ARID2: variants seen among roughly 807,000 people sequenced by gnomAD.
ARID2 encodes AT-rich interaction domain 2, also known as AT-rich interactive domain-containing protein 2.
In ARID2, 32 loss-of-function variants were observed where a neutral mutation model predicts 184.6. The observed-to-expected ratio is 0.17, with a 90% CI of 0.13 to 0.23. The LOEUF (loss-of-function observed/expected upper bound fraction) is 0.23, where lower values mean the gene tolerates loss of function less well. ARID2 is among the 10% of genes least tolerant of loss of function. The pLI, the probability that ARID2 is intolerant of heterozygous loss-of-function variation, is 1.00. For missense variants in ARID2, 1,696 were observed against 2,197.6 expected, an observed-to-expected ratio of 0.77 and a Z score of 4.56; for synonymous variants, 836 against 772.6, an observed-to-expected ratio of 1.08 and a Z score of -1.36.
At chr12:45,842,424 G>C (rs1400467569) in intron 11 of ARID2, among the ~76,000 whole-genome samples, 1 of 150,874 alleles carries the variant, frequency 6.6e-6, no homozygotes, top group Non-Finnish European at 1.5e-5. Flanking sequence ...ATTAATAAAT[G>C]GTACATCAAA....
chr12:45,901,852 T>G (rs1160026638), intron 20 of ARID2, among the ~76,000 whole-genome samples: 1 of 151,822 alleles, frequency 6.6e-6, no homozygotes, highest in Non-Finnish European at 1.5e-5. Flanking sequence ...TTCTGTAAGG[T>G]GGGGGGTGGG....
chr12:45,889,898 A>G (rs745952634), intron 16 of ARID2, among the ~76,000 whole-genome samples: 3 of 152,216 alleles, frequency 2.0e-5, no homozygotes, highest in Non-Finnish European at 4.4e-5. Context: ...AGATCGCACC[A>G]TTGCTCTCCA....
intron 16 of ARID2, chr12:45,882,272 CA>C (rs1944118930): frequency 6.6e-6 from 1 of 152,124 alleles, no homozygotes; most frequent in Non-Finnish European, 1.5e-5. Flanking sequence ...TGATTATTCC[CA>C]TAAGTCAAAC....
chr12:45,891,714 A>C, intron 16 of ARID2, 66 bp from the exon 17 acceptor site: 1 of 1,550,106 alleles, frequency 6.5e-7, no homozygotes, highest in African/African-American at 1.4e-5. Context: ...AAGCAGAGAA[A>C]TTTTTGAAAT....
intron 3 of ARID2, among the ~76,000 whole-genome samples, chr12:45,795,125 T>A (rs1024091219): frequency 6.6e-6 from 1 of 152,050 alleles, no homozygotes; most frequent in African/African-American, 2.4e-5. Flanking sequence ...TTATGTTTTA[T>A]AATAATTTTA....
At position 45,851,025 on chromosome 12, in the gene ARID2, A is replaced by T. The variant is rs1290539299; in HGVS notation, c.2902A>T (p.Ile968Leu). The change falls in exon 15 of 21, where the codon ATA (isoleucine) becomes TTA (leucine). Residue 968 changes from isoleucine (I) to leucine (L), a missense_variant. Physicochemically the swap from Ile to Leu is conservative, Grantham distance 5. This residue lies in a region of ARID2 where 713 missense variants were observed against 824.4 expected (regional missense o/e 0.86). Coordinates refer to ENST00000334344, the MANE Select transcript of ARID2 (RefSeq NM_152641.4). ...QTVQLTGQPN[I>L]TPSSSPSPVP... ...AGTTCAGCTAACTGGACAACCTAAC[A>T]TAACTCCATCTTCTTCACCATCACC... 7 of 1,614,140 alleles carry T rather than the reference A, an allele frequency of 4.3e-6. No individual in the cohort carries two copies. Among genetic ancestry groups the T allele is most frequent in the Non-Finnish European group, 5.9e-6 (7 of 1,180,010 alleles).
chr12:45,731,074 A>G (rs1940984771), intron 2 of ARID2, 143 bp from the exon 3 acceptor site: 2 of 622,172 alleles, frequency 3.2e-6, no homozygotes, highest in Admixed American at 2.7e-5. Context: ...GCCCTTGCTT[A>G]GTAACTCTTA....
chr12:45,764,409 G>A (rs1186862969), intron 3 of ARID2, among the ~76,000 whole-genome samples: 1 of 151,838 alleles, frequency 6.6e-6, no homozygotes, highest in African/African-American at 2.4e-5. Flanking sequence ...ACCCATTTTA[G>A]TACTGCCTTG....
intron 13 of ARID2, among the ~76,000 whole-genome samples, chr12:45,849,348 T>A (rs1943498439): frequency 6.6e-6 from 1 of 152,204 alleles, no homozygotes; most frequent in South Asian, 2.1e-4. Flanking sequence ...ATTAGTTATA[T>A]GTGGGTGGAA....
At chr12:45,755,683 C>T (rs1448282617) in intron 3 of ARID2, among the ~76,000 whole-genome samples, 1 of 152,168 alleles carries the variant, frequency 6.6e-6, no homozygotes, top group Non-Finnish European at 1.5e-5. Flanking sequence ...TCTTCTTCCT[C>T]TGTGCTGGAA....
At chr12:45,820,454 C>T (rs1228646329) in intron 5 of ARID2, among the ~76,000 whole-genome samples, 1 of 152,058 alleles carries the variant, frequency 6.6e-6, no homozygotes, top group Non-Finnish European at 1.5e-5. Context: ...TGAGAGAAAA[C>T]ATACCCACTT....
At chr12:45,821,349 A>G (rs546749752) in intron 5 of ARID2, 71 bp from the exon 6 acceptor site, 3 of 938,628 alleles carry the variant, frequency 3.2e-6, no homozygotes, top group African/African-American at 3.5e-5. Context: ...TTCCAAGCCT[A>G]TTATTAAATA....
At chr12:45,800,851 G>A (rs1237130655) in intron 3 of ARID2, among the ~76,000 whole-genome samples, 2 of 152,160 alleles carry the variant, frequency 1.3e-5, no homozygotes, top group African/African-American at 4.8e-5. Flanking sequence ...AAAGGATACA[G>A]ATGCCAAATC....
intron 3 of ARID2, among the ~76,000 whole-genome samples, chr12:45,806,454 C>T (rs184461821): frequency 1.1e-4 from 17 of 152,132 alleles, no homozygotes; most frequent in Admixed American, 6.5e-4. Flanking sequence ...TCATTTATTC[C>T]GGTCTCTCCT....
intron 16 of ARID2, chr12:45,874,345 A>T (rs535708944): frequency 1.2e-5 from 2 of 170,070 alleles, no homozygotes; most frequent in Non-Finnish European, 2.5e-5. Flanking sequence ...AAAAAAAAAA[A>T]GATTGAGTCA....
At chr12:45,824,484 A>T (rs1942957529) in intron 6 of ARID2, among the ~76,000 whole-genome samples, 1 of 151,710 alleles carries the variant, frequency 6.6e-6, no homozygotes, top group South Asian at 2.1e-4. Context: ...TACATTTCTT[A>T]AAAAAAAGAC....
At position 45,851,663 on chromosome 12, in the gene ARID2, G is replaced by C. The variant is rs764986243; in HGVS notation, c.3540G>C (p.Thr1180=). The C allele has an allele frequency of 6.2e-7, 1 of 1,614,100 alleles. No homozygotes were observed. ...TAACCATAACAGTTGTGCCAAATAC[G>C]AGTTTTGCACCTGCAACTGTGAGTC... is the stretch of plus-strand genomic sequence containing the variant. ...NQVTITVVPN[T]SFAPATVSQG... Residue 1180 remains threonine (T), a synonymous_variant, in exon 15 of 21, where the codon ACG becomes ACC. Coordinates refer to ENST00000334344, the MANE Select transcript of ARID2 (RefSeq NM_152641.4).
Position 45,882,458 on chromosome 12 carries a change from C to T in ARID2, c.4923-9322C>T, listed in dbSNP as rs530561163. Among the ~76,000 whole-genome samples, 3 of 152,302 alleles carry T rather than the reference C, an allele frequency of 2.0e-5. No individual in the cohort carries two copies. The South Asian group carries it at 6.2e-4, about 32-fold the overall frequency. On this transcript the variant is annotated intron_variant, in intron 16 of 20. Coordinates refer to ENST00000334344, the MANE Select transcript of ARID2 (RefSeq NM_152641.4). ...CAAGTGATTAAAAACTTACAGGTAG[C>T]TAGAATTTGTTTTCTAGAACAAAGG... is the stretch of plus-strand genomic sequence containing the variant.
At chr12:45,902,285 T>C (rs892610216) in intron 20 of ARID2, among the ~76,000 whole-genome samples, 4 of 152,144 alleles carry the variant, frequency 2.6e-5, no homozygotes, top group Non-Finnish European at 5.9e-5. Flanking sequence ...CCTCAAAAAA[T>C]TAAACATTTA....
Sources: gnomAD v4.1 joint callset for allele counts (sites outside exome capture counted in the v4.1 genomes callset) on GRCh38, gnomAD v4.1.1 for gene constraint, gnomAD v4.1.1 regional missense constraint, MANE v1.5 for transcripts, NCBI Gene and HGNC (gene_info 2026-07-23, HGNC 2026-07-21) for gene names.